Variants in TRIM62 observed in about 807,000 individuals in gnomAD.
TRIM62 encodes the protein E3 ubiquitin-protein ligase TRIM62.
In TRIM62, 39 loss-of-function variants were observed where a neutral mutation model predicts 44.2. The ratio of observed to expected loss-of-function variants is 0.88; its 90% CI spans 0.68 to 1.15. The LOEUF (loss-of-function observed/expected upper bound fraction) is 1.15, where lower values mean the gene tolerates loss of function less well. Among genes scored for constraint, TRIM62 ranks in the 50% most tolerant of loss-of-function variants. The probability of loss-of-function intolerance (pLI) is 0.00; values close to 1 mark genes in which losing one functional copy is unlikely to be tolerated. For missense variants in TRIM62, 544 were observed against 665.5 expected, an observed-to-expected ratio of 0.82 and a Z score of 2.01; for synonymous variants, 278 against 292.3, an observed-to-expected ratio of 0.95 and a Z score of 0.50.
At chr1:33,176,778 G>A (rs1382844610) in intron 1 of TRIM62, among the ~76,000 whole-genome samples, 2 of 152,202 alleles carry the variant, frequency 1.3e-5, no homozygotes, top group African/African-American at 4.8e-5. Flanking sequence ...GACCAAATGA[G>A]TCACTTAATT....
chr1:33,161,321 C>G lies in TRIM62; in HGVS notation c.505-1377G>C, dbSNP rs374235881. 3.9e-5 allele frequency among the ~76,000 whole-genome samples: 6 copies of G among 152,276 alleles called. No individual in the cohort carries two copies. In the East Asian group the frequency reaches 7.7e-4, roughly 20 times the overall value. ...GGGAGCCGCATGAGGAAGGGCTTAA[C>G]GTCAGGACGACACGGGCTATAGAAG... On this transcript the variant is annotated intron_variant, in intron 2 of 4. Coordinates refer to ENST00000291416, the MANE Select transcript of TRIM62 (RefSeq NM_018207.3). The surrounding 1 kb of genome is among the most constrained non-coding windows in gnomAD (Gnocchi z 4.3).
Position 33,181,524 on chromosome 1 carries a change from C to T in TRIM62, c.-92G>A, listed in dbSNP as rs1645464223. ...CGGAGGCAGCACCGAGGGCTGGGCG[C>T]GGGGACGAGGCCCGCACAGGCAGGG... On this transcript the variant is annotated 5_prime_UTR_variant, in exon 1 of 5. Coordinates refer to ENST00000291416, the MANE Select transcript of TRIM62 (RefSeq NM_018207.3). This position sits in a 1 kb window ranked among gnomAD's most constrained non-coding sequence, Gnocchi z 6.5. 5 of 1,450,510 alleles carry T rather than the reference C, an allele frequency of 3.4e-6. No individual in the cohort carries two copies. In the Admixed American group the frequency reaches 1.1e-4, roughly 32 times the overall value. 89.9% of individuals were successfully genotyped at this position (1,450,510 alleles called of 1,614,324 possible).
rs146009855 is a variant in TRIM62, at chr1:33,172,771, G to A, written c.409-7205C>T. On this transcript the variant is annotated intron_variant, in intron 1 of 4. Transcript: ENST00000291416. ...CCCAAGGCCAGATCTCTCCTGCTGT[G>A]AGGCCATCCCTCCCTCTGGTCCAGG... 4.3e-3 allele frequency among the ~76,000 whole-genome samples: 650 copies of A among 152,266 alleles called. 7 individuals carry two copies. Among genetic ancestry groups the A allele is most frequent in the African/African-American group, 0.015 (625 of 41,548 alleles).
At position 33,177,449 on chromosome 1, in the gene TRIM62, G is replaced by GAC. The variant is rs1228378087; in HGVS notation, c.408+3574_408+3575dup. 6.6e-6 allele frequency among the ~76,000 whole-genome samples: 1 copy of GAC among 152,112 alleles called. No individual in the cohort carries two copies. Among genetic ancestry groups the GAC allele is most frequent in the Non-Finnish European group, 1.5e-5 (1 of 68,018 alleles). On this transcript the variant is annotated intron_variant, in intron 1 of 4. Coordinates refer to ENST00000291416, the MANE Select transcript of TRIM62 (RefSeq NM_018207.3). The surrounding 1 kb of genome is among the most constrained non-coding windows in gnomAD (Gnocchi z 4.1). The stretch of plus-strand genomic sequence containing the variant: ...AGAGAAGCAAAGTGACGTGACCAAG[G>GAC]ACACACAGCATGTCAGGATCTGACC...
At chr1:33,174,392 C>T (rs1645397364) in intron 1 of TRIM62, among the ~76,000 whole-genome samples, 1 of 152,134 alleles carries the variant, frequency 6.6e-6, no homozygotes, top group African/African-American at 2.4e-5. Context: ...CCATGTTGCC[C>T]ACACTGGTCT....
In TRIM62 at chr1:33,159,930, G is replaced by A. The variant is rs771883581; in HGVS notation, c.519C>T (p.Ser173=). The A allele has an allele frequency of 7.5e-6, 12 of 1,604,584 alleles. No homozygotes were observed. The highest frequency in any genetic ancestry group is 1.0e-5 in the Non-Finnish European group (12 of 1,179,720). The change falls in exon 3 of 5, where the codon AGC becomes AGT. Residue 173 remains serine (S), a synonymous_variant. Coordinates refer to ENST00000291416, the MANE Select transcript of TRIM62 (RefSeq NM_018207.3). This position sits in a 1 kb window ranked among gnomAD's most constrained non-coding sequence, Gnocchi z 4.2. ...QLAETKSSTK[S]LRTTIGEAFE... is the part of the protein sequence containing the mutation. Reference sequence around the variant, plus strand: ...AGGCCTCGCCGATAGTGGTCCGCAGGCTCTTGGTGGAAGACTGTGGGGGAC... The same window carrying A: ...AGGCCTCGCCGATAGTGGTCCGCAGACTCTTGGTGGAAGACTGTGGGGGAC...
intron 1 of TRIM62, among the ~76,000 whole-genome samples, chr1:33,178,164 T>C (rs1270376627): frequency 1.3e-5 from 2 of 152,190 alleles, no homozygotes; most frequent in Non-Finnish European, 2.9e-5. Context: ...CCTCTCCCTC[T>C]CCTGTTTCCC....
chr1:33,181,034 G>A lies in TRIM62; in HGVS notation c.399C>T (p.Asp133=). The stretch of plus-strand genomic sequence containing the variant: ...AGGCCGGGTAGCGCACCTGCAGCTC[G>A]TCGAAGGCGTCGTCGATGCCGGTGA... ...HQVTGIDDAF[D]ELQRELKDQL... is the part of the protein sequence containing the mutation. The change falls in exon 1 of 5, where the codon GAC becomes GAT. Residue 133 remains aspartate (D), a synonymous_variant. Transcript: ENST00000291416. This position sits in a 1 kb window ranked among gnomAD's most constrained non-coding sequence, Gnocchi z 6.5. The A allele has an allele frequency of 6.3e-7, 1 of 1,584,628 alleles. No homozygotes were observed. Among genetic ancestry groups the A allele is most frequent in the Non-Finnish European group, 8.5e-7 (1 of 1,173,354 alleles).
chr1:33,179,694 A>G (rs1645445982), intron 1 of TRIM62, among the ~76,000 whole-genome samples: 1 of 152,172 alleles, frequency 6.6e-6, no homozygotes, highest in Non-Finnish European at 1.5e-5. Context: ...GATAGGAGAA[A>G]TAAGATTCTG....
At chr1:33,178,566 C>T (rs749772277) in intron 1 of TRIM62, among the ~76,000 whole-genome samples, 14 of 152,204 alleles carry the variant, frequency 9.2e-5, no homozygotes, top group South Asian at 8.3e-4. Context: ...TATTCCAGCC[C>T]GTACTGTGTG....
chr1:33,153,861 C>T (rs1430383366), intron 4 of TRIM62, among the ~76,000 whole-genome samples: 1 of 152,210 alleles, frequency 6.6e-6, no homozygotes, highest in African/African-American at 2.4e-5. Flanking sequence ...CAAACATTTG[C>T]TGTGCTAGCT....
intron 2 of TRIM62, among the ~76,000 whole-genome samples, chr1:33,160,480 T>G (rs1027626795): frequency 6.6e-6 from 1 of 152,050 alleles, no homozygotes; most frequent in Non-Finnish European, 1.5e-5. Flanking sequence ...TCTCGGATCA[T>G]TGCAACCTCC....
chr1:33,180,472 T>C (rs938523814), intron 1 of TRIM62, among the ~76,000 whole-genome samples: 18 of 152,090 alleles, frequency 1.2e-4, no homozygotes, highest in Non-Finnish European at 2.5e-4. Flanking sequence ...ACCACTCTAT[T>C]AGGTTTCACC....
In TRIM62 at chr1:33,147,081, G is replaced by T; in HGVS notation, c.*96C>A. The T allele has an allele frequency of 7.1e-7, 1 of 1,401,218 alleles. No individual in the cohort carries two copies. The highest frequency in any genetic ancestry group is 9.8e-7 in the Non-Finnish European group (1 of 1,021,090). The allele number at this position is 1,401,218 out of a possible 1,614,324, so 86.8% of individuals were successfully genotyped here. A position where few individuals can be genotyped will look rare whatever the true frequency, so the allele number is the denominator to read the frequency against. The stretch of plus-strand genomic sequence containing the variant: ...AAACAACTGGCCTGAGGTCTCCAGT[G>T]GCCACGGTGGGCTGGAGTCCAGGTC... On this transcript the variant is annotated 3_prime_UTR_variant, in exon 5 of 5. Coordinates refer to ENST00000291416, the MANE Select transcript of TRIM62 (RefSeq NM_018207.3). The surrounding 1 kb of genome is among the most constrained non-coding windows in gnomAD (Gnocchi z 8.1).
intron 1 of TRIM62, among the ~76,000 whole-genome samples, chr1:33,179,782 A>G (rs1645446404): frequency 6.6e-6 from 1 of 152,176 alleles, no homozygotes; most frequent in Non-Finnish European, 1.5e-5. Context: ...TAAGTGATTT[A>G]GCTTGAAAAA....
chr1:33,180,136 A>G (rs150359590), intron 1 of TRIM62, among the ~76,000 whole-genome samples: 99 of 152,274 alleles, frequency 6.5e-4, no homozygotes, highest in African/African-American at 2.2e-3. Flanking sequence ...TTCTATGCCA[A>G]CTATGCTCAG....
At chr1:33,169,691 G>A (rs1477780792) in intron 1 of TRIM62, among the ~76,000 whole-genome samples, 1 of 152,180 alleles carries the variant, frequency 6.6e-6, no homozygotes, top group Non-Finnish European at 1.5e-5. Flanking sequence ...TACGACACAC[G>A]TGGCTATTTA....
Position 33,177,067 on chromosome 1 carries a change from GC to G in TRIM62, c.408+3957del, listed in dbSNP as rs1645426220. Among the ~76,000 whole-genome samples, 1 of 150,644 alleles carries G rather than the reference GC, an allele frequency of 6.6e-6. No homozygotes were observed. The highest frequency in any genetic ancestry group is 2.4e-5 in the African/African-American group (1 of 40,946). On this transcript the variant is annotated intron_variant, in intron 1 of 4. Coordinates refer to ENST00000291416, the MANE Select transcript of TRIM62 (RefSeq NM_018207.3). The surrounding 1 kb of genome is among the most constrained non-coding windows in gnomAD (Gnocchi z 4.1). Reference sequence around the variant, plus strand: ...CACACACACGCACACACACACACATGCACACACACACATGCATGCACAAATG... The same window carrying G: ...CACACACACGCACACACACACACATGACACACACACATGCATGCACAAATG...
At chr1:33,157,340 C>T (rs1009903318) in intron 4 of TRIM62, among the ~76,000 whole-genome samples, 9 of 152,104 alleles carry the variant, frequency 5.9e-5, no homozygotes, top group African/African-American at 1.9e-4. Flanking sequence ...TTTGCACTTG[C>T]TGTCCCCATG....
Sources: gnomAD v4.1 joint callset for allele counts (sites outside exome capture counted in the v4.1 genomes callset) on GRCh38, gnomAD v4.1.1 for gene constraint, Gnocchi (gnomAD v3.1) non-coding constraint, MANE v1.5 for transcripts, NCBI Gene and HGNC (gene_info 2026-07-23, HGNC 2026-07-21) for gene names.